Variants in CCDC88B observed in about 807,000 individuals in gnomAD.
CCDC88B encodes coiled-coil domain-containing protein 88B.
Under a neutral mutation model 183.7 loss-of-function variants are expected in CCDC88B, and 138 were observed. The observed-to-expected ratio is 0.75, with a 90% CI of 0.65 to 0.87. The LOEUF (loss-of-function observed/expected upper bound fraction) is 0.87. CCDC88B is among the 40% of genes least tolerant of loss of function. The probability of loss-of-function intolerance (pLI) is 0.00; values close to 1 mark genes in which losing one functional copy is unlikely to be tolerated. For missense variants in CCDC88B, 1,822 were observed against 1,965.6 expected (o/e 0.93, Z 1.38); for synonymous variants, 835 against 867.5 (o/e 0.96, Z 0.66).
At chr11:64,349,858 G>C (rs1387747529) in intron 16 of CCDC88B, 190 bp downstream of exon 16, 1 of 613,236 alleles carries the variant, frequency 1.6e-6, no homozygotes, top group Admixed American at 2.9e-5. Context: ...GACTTATCTG[G>C]GGTCTCATTT....
intron 13 of CCDC88B, 34 bp from the exon 14 acceptor site, chr11:64,343,963 C>G (rs2035993742): frequency 6.4e-7 from 1 of 1,565,394 alleles, no homozygotes; most frequent in Admixed American, 1.8e-5. Context: ...CTAGTCCCTC[C>G]CTGGGCCTGA....
rs2036445804 is a variant in CCDC88B at position 64,354,049 on chromosome 11, C to T, written c.3978C>T (p.Pro1326=). 1 of 1,452,594 alleles carries T rather than the reference C, an allele frequency of 6.9e-7. No individual in the cohort carries two copies. The highest frequency in any genetic ancestry group is 9.1e-7 in the Non-Finnish European group (1 of 1,096,886). The allele number at this position is 1,452,594 out of a possible 1,614,324, so 90.0% of individuals were successfully genotyped here. Residue 1326 remains proline, a synonymous_variant, in exon 24 of 27, where the codon CCC becomes CCT. Coordinates refer to ENST00000356786, the MANE Select transcript of CCDC88B (RefSeq NM_032251.6). ...ACAAGGTGAAGAGGCTGATGCGGCC[C>T]CGGCGGGAGGGGGGCCCCCCTGGGG... is the stretch of plus-strand genomic sequence containing the variant. The part of the protein sequence containing the change: ...LADKVKRLMR[P]RREGGPPGGL...
chr11:64,344,915 C>T lies in CCDC88B; in HGVS notation c.2374C>T (p.Arg792Trp), dbSNP rs774090996. ...EAEAQAWEQA[R>W]LREAVEAAGQ... ...AGAGGCCCAGGCCTGGGAGCAAGCC[C>T]GGCTGCGGGAGGCAGTGGAGGCTGC... is the stretch of plus-strand genomic sequence containing the variant. Residue 792 changes from arginine (R) to tryptophan (W), a missense_variant, in exon 14 of 27, where the codon CGG becomes TGG. Physicochemically the swap from Arg to Trp is moderately radical, Grantham distance 101 (BLOSUM62 -3). Transcript: ENST00000356786. The surrounding 1 kb of genome is among the most constrained non-coding windows in gnomAD (Gnocchi z 4.5). The T allele has an allele frequency of 3.5e-5, 55 of 1,574,876 alleles. No individual in the cohort carries two copies. The highest frequency in any genetic ancestry group is 5.6e-5 in the Admixed American group (3 of 53,836).
At chr11:64,346,864 G>C (rs540855341) in intron 14 of CCDC88B, among the ~76,000 whole-genome samples, 1 of 151,586 alleles carries the variant, frequency 6.6e-6, no homozygotes, top group South Asian at 2.1e-4. Flanking sequence ...GCGTGATCTC[G>C]GCTCACTGCA....
rs1473089711 is a variant in CCDC88B at position 64,344,611 on chromosome 11, C to T, written c.2070C>T (p.Val690=). ...ATGACCAGAGGCTGGAAGGGACGGT[C>T]AGGGACCCAGCCTGGCAAAAACCAC... The part of the protein sequence containing the change: ...REHDQRLEGT[V]RDPAWQKPQQ... Residue 690 remains valine, a synonymous_variant, in exon 14 of 27, where the codon GTC becomes GTT. Transcript: ENST00000356786. The surrounding 1 kb of genome is among the most constrained non-coding windows in gnomAD (Gnocchi z 4.5). 6.2e-7 allele frequency: 1 copy of T among 1,612,158 alleles called. No individual in the cohort carries two copies. The highest frequency in any genetic ancestry group is 8.5e-7 in the Non-Finnish European group (1 of 1,179,246).
chr11:64,348,175 C>T (rs2036189968), intron 14 of CCDC88B, among the ~76,000 whole-genome samples: 1 of 150,370 alleles, frequency 6.7e-6, no homozygotes, highest in Non-Finnish European at 1.5e-5. Context: ...GGAATGGCAG[C>T]AGGTAGGCAG....
intron 7 of CCDC88B, 66 bp downstream of exon 7, chr11:64,341,808 T>C: frequency 6.5e-7 from 1 of 1,531,692 alleles, no homozygotes; most frequent in Non-Finnish European, 8.7e-7. Flanking sequence ...GAGCCGGTTG[T>C]GCAAGGGAGA....
intron 17 of CCDC88B, 36 bp from the exon 18 acceptor site, chr11:64,351,440 G>T (rs375271628): frequency 1.3e-6 from 2 of 1,565,020 alleles, no homozygotes; most frequent in East Asian, 2.4e-5. Context: ...GGGTGCCCCC[G>T]CCACCTGGCT....
At position 64,344,913 on chromosome 11, in the gene CCDC88B, C is replaced by G. The variant is rs1473350285; in HGVS notation, c.2372C>G (p.Ala791Gly). The G allele has an allele frequency of 7.0e-6, 11 of 1,576,534 alleles. No homozygotes were observed. Among genetic ancestry groups the G allele is most frequent in the Non-Finnish European group, 9.5e-6 (11 of 1,161,136 alleles). Residue 791 changes from alanine (A) to glycine (G), a missense_variant, in exon 14 of 27, where the codon GCC (alanine) becomes GGC (glycine). By Grantham distance (60) the Ala-to-Gly change is moderately conservative (BLOSUM62 0). Coordinates refer to ENST00000356786, the MANE Select transcript of CCDC88B (RefSeq NM_032251.6). This position sits in a 1 kb window ranked among gnomAD's most constrained non-coding sequence, Gnocchi z 4.5. ...GCAGAGGCCCAGGCCTGGGAGCAAGCCCGGCTGCGGGAGGCAGTGGAGGCT... is the reference window on the plus strand; with the variant it reads ...GCAGAGGCCCAGGCCTGGGAGCAAGGCCGGCTGCGGGAGGCAGTGGAGGCT... ...REAEAQAWEQ[A>G]RLREAVEAAG...
At position 64,353,132 on chromosome 11, in the gene CCDC88B, G is replaced by A. The variant is rs1351716211; in HGVS notation, c.3579G>A (p.Leu1193=). 4 of 1,600,378 alleles carry A rather than the reference G, an allele frequency of 2.5e-6. No homozygotes were observed. The African/African-American group carries it at 5.4e-5, about 21-fold the overall frequency. ...AACGCGGGGAGCTACGGGGCCGGCTGGCGCGGCTGGAGCTGGAGCGGGCAC... is the reference window on the plus strand; with the variant it reads ...AACGCGGGGAGCTACGGGGCCGGCTAGCGCGGCTGGAGCTGGAGCGGGCAC... ...QGERGELRGR[L]ARLELERAQL... The change falls in exon 21 of 27, where the codon CTG becomes CTA. Residue 1193 remains leucine, a synonymous_variant. Transcript: ENST00000356786.
chr11:64,342,291 C>T lies in CCDC88B; in HGVS notation c.822-3C>T, dbSNP rs1291432351. The T allele has an allele frequency of 1.3e-6, 2 of 1,584,992 alleles. No individual in the cohort carries two copies. The highest frequency in any genetic ancestry group is 1.7e-6 in the Non-Finnish European group (2 of 1,166,270). On this transcript the variant is annotated splice_polypyrimidine_tract_variant and splice_region_variant and intron_variant, in intron 8 of 26. Coordinates refer to ENST00000356786, the MANE Select transcript of CCDC88B (RefSeq NM_032251.6). ...ACCCTCCCTAGACTCCCCTTCCCTC[C>T]AGGGAGGAGAAGGCCGAGCTGCTGC...
intron 18 of CCDC88B, 28 bp from the exon 19 acceptor site, chr11:64,352,102 C>T: frequency 6.6e-7 from 1 of 1,520,132 alleles, no homozygotes; most frequent in Non-Finnish European, 8.8e-7. Context: ...TCCTCCCCAG[C>T]AGCCCCTGCT....
At chr11:64,353,881 AC>A in intron 23 of CCDC88B, 68 bp downstream of exon 23, 10 of 1,595,180 alleles carry the variant, frequency 6.3e-6, no homozygotes, top group Non-Finnish European at 8.6e-6. Context: ...CTGGCCTCTG[AC>A]CCCAGGCCCA....
rs199673065 is a variant in CCDC88B, at chr11:64,341,986, A to T, written c.676-8A>T. ...AGTTAGTCCTGACCCTTGACCCCTG[A>T]CCTACAGCGGCTGGCTGAACTGCTG... On this transcript the variant is annotated splice_polypyrimidine_tract_variant and splice_region_variant and intron_variant, in intron 7 of 26. Coordinates refer to ENST00000356786, the MANE Select transcript of CCDC88B (RefSeq NM_032251.6). 6.0e-3 allele frequency: 9,680 copies of T among 1,612,676 alleles called. 552 individuals are homozygous for T. In the South Asian group the frequency reaches 0.099, roughly 17 times the overall value.
chr11:64,352,796 C>T lies in CCDC88B; in HGVS notation c.3409C>T (p.Leu1137=). ...RASVEAQEVA[L]LAERERLMQD... The stretch of plus-strand genomic sequence containing the variant: ...CAGCGTGGAGGCACAGGAGGTGGCC[C>T]TGCTGGCAGAGCGTGAACGCCTGAT... Residue 1137 remains leucine (L), a synonymous_variant, in exon 20 of 27, where the codon CTG becomes TTG. Coordinates refer to ENST00000356786, the MANE Select transcript of CCDC88B (RefSeq NM_032251.6). 3 of 1,613,468 alleles carry T rather than the reference C, an allele frequency of 1.9e-6. No individual in the cohort carries two copies. The highest frequency in any genetic ancestry group is 2.5e-6 in the Non-Finnish European group (3 of 1,179,968).
At position 64,341,501 on chromosome 11, in the gene CCDC88B, G is replaced by A; in HGVS notation, c.528G>A (p.Gln176=). ...EVQSELAAAI[Q]EVTQPGAGVV... Reference sequence around the variant, plus strand: ...AGAGCGAGCTGGCCGCTGCCATCCAGGAGGTACTGAGACGGTTCGGCAGCC... The same window carrying A: ...AGAGCGAGCTGGCCGCTGCCATCCAAGAGGTACTGAGACGGTTCGGCAGCC... The change falls in exon 6 of 27, where the codon CAG becomes CAA. Residue 176 remains glutamine, a synonymous_variant. Transcript: ENST00000356786. 1 of 1,613,794 alleles carries A rather than the reference G, an allele frequency of 6.2e-7. No individual in the cohort carries two copies. The highest frequency in any genetic ancestry group is 1.1e-5 in the South Asian group (1 of 91,084).
intron 26 of CCDC88B, chr11:64,356,156 G>C (rs1468771417): frequency 6.6e-6 from 1 of 151,202 alleles, no homozygotes. Flanking sequence ...GGCTAATTTT[G>C]TATAATTATT....
intron 14 of CCDC88B, chr11:64,348,837 G>A: frequency 1.7e-6 from 1 of 601,370 alleles, no homozygotes. Flanking sequence ...CTAGCTGGCA[G>A]CATCCTGGCG....
At position 64,354,092 on chromosome 11, in the gene CCDC88B, G is replaced by C. The variant is rs765945536; in HGVS notation, c.4021G>C (p.Asp1341His). The change falls in exon 24 of 27, where the codon GAT becomes CAT. Residue 1341 changes from aspartate (D) to histidine (H), a missense_variant. Transcript: ENST00000356786. ...CCCTGGGGGGCTGCGCCTGGGGGCC[G>C]ATGGGGCTGGCAGCACCGAGAGCCT... ...GPPGGLRLGA[D>H]GAGSTESLGG... The C allele has an allele frequency of 7.0e-7, 1 of 1,419,616 alleles. No homozygotes were observed. Among genetic ancestry groups the C allele is most frequent in the East Asian group, 2.5e-5 (1 of 40,274 alleles). The allele number at this position is 1,419,616 out of a possible 1,614,324, so 87.9% of individuals were successfully genotyped here.
Sources: allele counts gnomAD v4.1 joint callset (sites outside exome capture counted in the v4.1 genomes callset), GRCh38; gene constraint gnomAD v4.1.1; non-coding constraint Gnocchi (gnomAD v3.1); transcripts MANE v1.5; gene names NCBI Gene and HGNC (gene_info 2026-07-23, HGNC 2026-07-21).